The following PDE4D variants were observed in gnomAD, a reference collection of about 807,000 sequenced individuals.
The protein encoded by PDE4D is 3',5'-cyclic-AMP phosphodiesterase 4D.
A neutral mutation model predicts 87.4 loss-of-function variants in PDE4D; 24 were observed. The ratio of observed to expected loss-of-function variants is 0.27; its 90% CI spans 0.20 to 0.39. The LOEUF is 0.39. Among genes scored for constraint, PDE4D ranks in the 10% least tolerant of loss-of-function variants. The pLI is 1.00. For missense variants in PDE4D, 714 were observed against 1,041.0 expected (o/e 0.69, Z 4.32); for synonymous variants, 384 against 383.2 (o/e 1.00, Z -0.02).
intron 1 of PDE4D, among the ~76,000 whole-genome samples, chr5:60,401,600 G>A (rs956612978): frequency 5.3e-5 from 8 of 152,260 alleles, no homozygotes; most frequent in Admixed American, 1.3e-4. Flanking sequence ...TCAGTGATCC[G>A]CACCAATGTT....
intron 1 of PDE4D, among the ~76,000 whole-genome samples, chr5:59,795,095 G>A (rs1766308753): frequency 6.6e-6 from 1 of 152,176 alleles, no homozygotes; most frequent in South Asian, 2.1e-4. Flanking sequence ...TGTAAGGCTT[G>A]GCCATGTATT....
At chr5:59,106,714 C>G (rs1274491917) in intron 5 of PDE4D, among the ~76,000 whole-genome samples, 1 of 152,172 alleles carries the variant, frequency 6.6e-6, no homozygotes, top group African/African-American at 2.4e-5. Flanking sequence ...GAGCTGAGAT[C>G]GCGCCATTGC....
At chr5:59,646,710 C>A (rs1742503239) in intron 1 of PDE4D, among the ~76,000 whole-genome samples, 1 of 152,100 alleles carries the variant, frequency 6.6e-6, no homozygotes, top group South Asian at 2.1e-4. Flanking sequence ...TCATGATAGG[C>A]TTTGTGCATT....
At chr5:59,658,433 G>A (rs1744723181) in intron 1 of PDE4D, among the ~76,000 whole-genome samples, 2 of 151,902 alleles carry the variant, frequency 1.3e-5, no homozygotes, top group Non-Finnish European at 1.5e-5. Context: ...CCCAGCTGGA[G>A]TGCAGTGGCA....
intron 2 of PDE4D, among the ~76,000 whole-genome samples, chr5:60,116,923 A>G (rs1293830543): frequency 1.3e-5 from 2 of 152,082 alleles, no homozygotes; most frequent in African/African-American, 4.8e-5. Context: ...AAGATCTGAG[A>G]TTATGAGATC....
At chr5:59,371,773 C>T (rs1187618601) in intron 1 of PDE4D, among the ~76,000 whole-genome samples, 4 of 152,152 alleles carry the variant, frequency 2.6e-5, no homozygotes, top group Admixed American at 6.5e-5. Context: ...TATGAGTCAA[C>T]GGGAATAAAC....
chr5:60,454,002 T>C (rs1746280650), intron 1 of PDE4D, among the ~76,000 whole-genome samples: 1 of 152,210 alleles, frequency 6.6e-6, no homozygotes, highest in African/African-American at 2.4e-5. Flanking sequence ...AGAAAAGGAC[T>C]GGACTGATAA....
intron 3 of PDE4D, among the ~76,000 whole-genome samples, chr5:59,969,865 C>G (rs1409209129): frequency 6.6e-6 from 1 of 152,164 alleles, no homozygotes; most frequent in Non-Finnish European, 1.5e-5. Flanking sequence ...AATTAAACCT[C>G]TTTCTTTTGT....
At chr5:59,998,761 G>A (rs1031336598) in intron 2 of PDE4D, among the ~76,000 whole-genome samples, 1 of 151,898 alleles carries the variant, frequency 6.6e-6, no homozygotes, top group African/African-American at 2.4e-5. Flanking sequence ...CAAAAGTGTG[G>A]TACCTTCAAA....
chr5:59,295,436 C>T (rs143174994), intron 1 of PDE4D, among the ~76,000 whole-genome samples: 1 of 152,178 alleles, frequency 6.6e-6, no homozygotes, highest in African/African-American at 2.4e-5. Flanking sequence ...TCTTGACAGG[C>T]TTTTGTTTTG....
intron 1 of PDE4D, among the ~76,000 whole-genome samples, chr5:59,242,289 C>T (rs1757835327): frequency 6.6e-6 from 1 of 152,104 alleles, no homozygotes. Context: ...CAGATTATAG[C>T]TCTATGGTGG....
At chr5:59,715,156 T>G (rs1186460039) in intron 1 of PDE4D, among the ~76,000 whole-genome samples, 1 of 152,220 alleles carries the variant, frequency 6.6e-6, no homozygotes, top group Non-Finnish European at 1.5e-5. Context: ...GATAGCAGGA[T>G]GGATGTGTTC....
At chr5:60,235,262 T>C (rs1746294825) in intron 1 of PDE4D, among the ~76,000 whole-genome samples, 2 of 151,920 alleles carry the variant, frequency 1.3e-5, no homozygotes, top group African/African-American at 2.4e-5. Context: ...ATTTCAGACT[T>C]ATTTATAAAT....
chr5:60,239,209 T>C (rs564724214), intron 1 of PDE4D, among the ~76,000 whole-genome samples: 3 of 152,276 alleles, frequency 2.0e-5, no homozygotes, highest in South Asian at 2.1e-4. Flanking sequence ...TTATATCTCC[T>C]AGCATCATTT....
intron 3 of PDE4D, among the ~76,000 whole-genome samples, chr5:59,973,429 T>C (rs1175194115): frequency 6.6e-6 from 1 of 152,206 alleles, no homozygotes. Flanking sequence ...AATACTTCCA[T>C]GTTACCATAT....
chr5:59,238,333 G>T (rs1756927489), intron 1 of PDE4D, among the ~76,000 whole-genome samples: 1 of 152,130 alleles, frequency 6.6e-6, no homozygotes, highest in Non-Finnish European at 1.5e-5. Context: ...TGTAATATAG[G>T]ATCAACAGTA....
chr5:59,623,791 C>T (rs1307397626), intron 1 of PDE4D, among the ~76,000 whole-genome samples: 1 of 152,176 alleles, frequency 6.6e-6, no homozygotes, highest in Non-Finnish European at 1.5e-5. Context: ...TGTTTCTCTG[C>T]AATGCTATTT....
At chr5:59,180,942 C>T (rs773041939) in intron 4 of PDE4D, among the ~76,000 whole-genome samples, 1 of 152,088 alleles carries the variant, frequency 6.6e-6, no homozygotes, top group African/African-American at 2.4e-5. Flanking sequence ...AGACTTTATT[C>T]GCTGAAGCCA....
At chr5:60,467,396 A>T (rs1171109564) in intron 1 of PDE4D, among the ~76,000 whole-genome samples, 1 of 152,172 alleles carries the variant, frequency 6.6e-6, no homozygotes, top group Non-Finnish European at 1.5e-5. Flanking sequence ...CCAACTTCTA[A>T]GAGGCTACTT....
Sources: gnomAD v4.1 joint callset for allele counts (sites outside exome capture counted in the v4.1 genomes callset) on GRCh38, gnomAD v4.1.1 for gene constraint, MANE v1.5 for transcripts, NCBI Gene and HGNC (gene_info 2026-07-23, HGNC 2026-07-21) for gene names.